PLPPR1: variants seen among roughly 807,000 people sequenced by gnomAD.
The protein encoded by PLPPR1 is phospholipid phosphatase related 1, also known as phospholipid phosphatase-related protein type 1.
In PLPPR1, 10 loss-of-function variants were observed where a neutral mutation model predicts 33.1. The ratio of observed to expected loss-of-function variants is 0.30; its 90% CI spans 0.19 to 0.51. PLPPR1 has a LOEUF of 0.51. Ranked by LOEUF, PLPPR1 falls within the 20% of genes least tolerant of loss-of-function variation. The probability of loss-of-function intolerance (pLI) is 0.97; values close to 1 mark genes in which losing one functional copy is unlikely to be tolerated. For synonymous variants in PLPPR1, 151 were observed against 151.0 expected (o/e 1.00, Z 0.00); for missense variants, 304 against 408.1 (o/e 0.74, Z 2.20).
At chr9:101,043,324 C>T (rs1044589069) in intron 1 of PLPPR1, among the ~76,000 whole-genome samples, 3 of 149,780 alleles carry the variant, frequency 2.0e-5, no homozygotes, top group East Asian at 2.0e-4. Context: ...TATATACACA[C>T]GTGTATATAT....
chr9:101,056,010 G>A lies in PLPPR1; in HGVS notation c.-46+26908G>A, dbSNP rs147201868. Among the ~76,000 whole-genome samples, 53 of 152,322 alleles carry A rather than the reference G, an allele frequency of 3.5e-4. 1 individual carries two copies. Among genetic ancestry groups the A allele is most frequent in the African/African-American group, 1.3e-3 (52 of 41,576 alleles). ...AGTTATTAATACAAAAGCAGCAATA[G>A]CAACAGCTTCCATTTATTGAGTCTT... On this transcript the variant is annotated intron_variant, in intron 1 of 7. Coordinates refer to ENST00000374874, the MANE Select transcript of PLPPR1 (RefSeq NM_207299.2).
At chr9:101,083,953 T>C (rs1452566986) in intron 1 of PLPPR1, among the ~76,000 whole-genome samples, 1 of 152,212 alleles carries the variant, frequency 6.6e-6, no homozygotes, top group Non-Finnish European at 1.5e-5. Context: ...TTTAAATGTG[T>C]CCCAATCTGT....
chr9:101,265,535 T>G (rs958659771), intron 2 of PLPPR1, among the ~76,000 whole-genome samples: 11 of 152,106 alleles, frequency 7.2e-5, no homozygotes, highest in Non-Finnish European at 1.0e-4. Context: ...GACATAAACA[T>G]AGACAGTGAT....
Position 101,237,362 on chromosome 9 carries a change from A to G in PLPPR1, c.64-32518A>G, listed in dbSNP as rs981299464. On this transcript the variant is annotated intron_variant, in intron 2 of 7. Transcript: ENST00000374874. ...AATAAATCATCACATAAAAAAAGAT[A>G]CCTGCGCTGTTATATTTATCACAGT... Among the ~76,000 whole-genome samples the G allele has an allele frequency of 1.1e-4, 16 of 151,628 alleles. 1 individual carries two copies. In the South Asian group the frequency reaches 3.3e-3, roughly 31 times the overall value.
rs138432109 is a variant in PLPPR1, at chr9:101,188,540, G to T, written c.63+2983G>T. On this transcript the variant is annotated intron_variant, in intron 2 of 7. Transcript: ENST00000374874. ...GGTTAAGAACTCCCCTGTAACGTTGGATAGAGGCAGTGGTAGAAAACATCT... is the reference window on the plus strand; with the variant it reads ...GGTTAAGAACTCCCCTGTAACGTTGTATAGAGGCAGTGGTAGAAAACATCT... Among the ~76,000 whole-genome samples, 429 of 151,928 alleles carry T rather than the reference G, an allele frequency of 2.8e-3. 1 individual carries two copies. Among genetic ancestry groups the T allele is most frequent in the African/African-American group, 9.6e-3 (396 of 41,442 alleles).
chr9:101,029,530 G>A (rs1225044868), intron 1 of PLPPR1, among the ~76,000 whole-genome samples: 2 of 152,182 alleles, frequency 1.3e-5, no homozygotes, highest in African/African-American at 4.8e-5. Flanking sequence ...CGGGGGTTGA[G>A]ATTTCTCACC....
chr9:101,237,831 A>ATG (rs1421819236), intron 2 of PLPPR1, among the ~76,000 whole-genome samples: 2 of 102,014 alleles, frequency 2.0e-5, no homozygotes, highest in Admixed American at 2.1e-4. Context: ...ATATATATAT[A>ATG]TATATGCTAT....
intron 1 of PLPPR1, among the ~76,000 whole-genome samples, chr9:101,032,473 C>T (rs759814820): frequency 1.3e-5 from 2 of 152,206 alleles, no homozygotes; most frequent in Non-Finnish European, 2.9e-5. Flanking sequence ...CTTCCTTCTT[C>T]TGTGTGCTCC....
intron 5 of PLPPR1, 96 bp downstream of exon 5, chr9:101,309,557 C>A: frequency 7.3e-7 from 1 of 1,367,444 alleles, no homozygotes; most frequent in Non-Finnish European, 1.0e-6. Flanking sequence ...CTTATAGCGA[C>A]TCTTAAATTT....
At chr9:101,203,360 G>T (rs367587365) in intron 2 of PLPPR1, among the ~76,000 whole-genome samples, 1 of 152,142 alleles carries the variant, frequency 6.6e-6, no homozygotes, top group Non-Finnish European at 1.5e-5. Flanking sequence ...AGACCTTAGG[G>T]GGGGAAAAAG....
chr9:101,280,314 A>G (rs1426600651), intron 3 of PLPPR1, among the ~76,000 whole-genome samples: 3 of 152,174 alleles, frequency 2.0e-5, no homozygotes, highest in Non-Finnish European at 4.4e-5. Context: ...TCAGCAAAGA[A>G]AAGCCCAGGA....
chr9:101,247,725 G>A (rs1031143089), intron 2 of PLPPR1, among the ~76,000 whole-genome samples: 7 of 152,000 alleles, frequency 4.6e-5, no homozygotes, highest in African/African-American at 1.7e-4. Context: ...AATCACTGGG[G>A]ATCTCTTAGT....
chr9:101,253,765 G>GAATT (rs1371027561), intron 2 of PLPPR1, among the ~76,000 whole-genome samples: 15 of 152,008 alleles, frequency 9.9e-5, no homozygotes, highest in Non-Finnish European at 2.1e-4. Context: ...CTACCAAATT[G>GAATT]AATTAATTAT....
At chr9:101,188,838 G>A (rs1487035161) in intron 2 of PLPPR1, among the ~76,000 whole-genome samples, 1 of 151,666 alleles carries the variant, frequency 6.6e-6, no homozygotes, top group African/African-American at 2.4e-5. Flanking sequence ...CCATTCTTTG[G>A]CTACTTCGAG....
At chr9:101,265,256 G>A (rs973717408) in intron 2 of PLPPR1, among the ~76,000 whole-genome samples, 1 of 152,152 alleles carries the variant, frequency 6.6e-6, no homozygotes, top group Admixed American at 6.5e-5. Flanking sequence ...AGCACTTAAT[G>A]CATTTTTTAC....
At chr9:101,237,511 A>G (rs1041191621) in intron 2 of PLPPR1, among the ~76,000 whole-genome samples, 3 of 150,942 alleles carry the variant, frequency 2.0e-5, no homozygotes, top group African/African-American at 7.3e-5. Flanking sequence ...ACACAGATAC[A>G]CATCTATAAA....
chr9:101,129,198 A>G lies in PLPPR1; in HGVS notation c.-45-56252A>G, dbSNP rs374694623. Among the ~76,000 whole-genome samples, 26 of 152,212 alleles carry G rather than the reference A, an allele frequency of 1.7e-4. No homozygotes were observed. In the South Asian group the frequency reaches 1.9e-3, roughly 11 times the overall value. On this transcript the variant is annotated intron_variant, in intron 1 of 7. Transcript: ENST00000374874. Reference sequence around the variant, plus strand: ...GGGGCCCAAGAGATCCTTGTTTAAAATTTAAGACTGCCTATATCAAATGTT... The same window carrying G: ...GGGGCCCAAGAGATCCTTGTTTAAAGTTTAAGACTGCCTATATCAAATGTT...
chr9:101,283,249 C>T (rs1400335685), intron 3 of PLPPR1, among the ~76,000 whole-genome samples: 1 of 152,206 alleles, frequency 6.6e-6, no homozygotes, highest in Non-Finnish European at 1.5e-5. Context: ...GGAGACATCA[C>T]ACTATCTGAC....
At chr9:101,289,795 A>G (rs1202375699) in intron 4 of PLPPR1, among the ~76,000 whole-genome samples, 2 of 152,210 alleles carry the variant, frequency 1.3e-5, no homozygotes, top group African/African-American at 4.8e-5. Flanking sequence ...TGCTTTGTAA[A>G]TCGCCCAACC....
Sources: gnomAD v4.1 joint callset for allele counts (sites outside exome capture counted in the v4.1 genomes callset) on GRCh38, gnomAD v4.1.1 for gene constraint, MANE v1.5 for transcripts, NCBI Gene and HGNC (gene_info 2026-07-23, HGNC 2026-07-21) for gene names.